The following TNFRSF13B variants were observed in gnomAD, a reference collection of about 807,000 sequenced individuals.
The protein encoded by TNFRSF13B is TNF receptor superfamily member 13B.
TNFRSF13B carries 34 observed loss-of-function variants against 24.0 expected under a neutral mutation model. The ratio of observed to expected loss-of-function variants is 1.41; its 90% CI spans 1.08 to 1.88. The LOEUF (loss-of-function observed/expected upper bound fraction) is 1.88, where lower values mean the gene tolerates loss of function less well. Among genes scored for constraint, TNFRSF13B ranks in the 40% most tolerant of loss-of-function variants. The pLI is 0.00. For synonymous variants in TNFRSF13B, 173 were observed against 150.3 expected, an observed-to-expected ratio of 1.15 and a Z score of -1.10; for missense variants, 415 against 380.8, an observed-to-expected ratio of 1.09 and a Z score of -0.75.
intron 1 of TNFRSF13B, among the ~76,000 whole-genome samples, chr17:16,970,865 C>G (rs567334431): frequency 1.0e-4 from 15 of 147,712 alleles, no homozygotes. Context: ...TGTGTAGATT[C>G]TGGGGACTTG....
chr17:16,948,831 G>C lies in TNFRSF13B; in HGVS notation c.352C>G (p.Leu118Val), dbSNP rs1347191709. ...LRSPVNLPPE[L>V]RRQRSGEVEN... ...ACTTCTCCACTCCGCTGTCTCCTGAGCTCTGGTGGAAGGTTCACTGGGCTC... is the reference window on the plus strand; with the variant it reads ...ACTTCTCCACTCCGCTGTCTCCTGACCTCTGGTGGAAGGTTCACTGGGCTC... Residue 118 changes from leucine to valine, a missense_variant, in exon 3 of 5, where the codon CTC (leucine) becomes GTC (valine). Leu to Val is a conservative substitution (Grantham distance 32). Transcript: ENST00000261652. 12 of 1,614,228 alleles carry C rather than the reference G, an allele frequency of 7.4e-6. 1 individual carries two copies. In the African/African-American group the frequency reaches 8.0e-5, roughly 11 times the overall value.
chr17:16,961,288 GT>G (rs1439150316), intron 1 of TNFRSF13B, among the ~76,000 whole-genome samples: 1 of 152,188 alleles, frequency 6.6e-6, no homozygotes, highest in Non-Finnish European at 1.5e-5. Context: ...ACAGATACTT[GT>G]GCCCCAACAT....
At chr17:16,956,411 G>C (rs2087625014) in intron 1 of TNFRSF13B, among the ~76,000 whole-genome samples, 1 of 148,990 alleles carries the variant, frequency 6.7e-6, no homozygotes, top group Non-Finnish European at 1.5e-5. Flanking sequence ...TACAGACTAT[G>C]ACAGAAACCA....
intron 1 of TNFRSF13B, among the ~76,000 whole-genome samples, chr17:16,952,878 C>G (rs543699213): frequency 3.9e-5 from 6 of 152,166 alleles, no homozygotes; most frequent in Admixed American, 1.3e-4. Flanking sequence ...CCCTCCTTAA[C>G]GTGCCACGCC....
rs369653501 is a variant in TNFRSF13B, at chr17:16,971,155, C to T, written c.61+860G>A. The stretch of plus-strand genomic sequence containing the variant: ...CTGAGGTCAGGAGTTTGAGATCAGC[C>T]TGGCCAACGTGGCGAAAGCCTATCT... On this transcript the variant is annotated intron_variant, in intron 1 of 4. Coordinates refer to ENST00000261652, the MANE Select transcript of TNFRSF13B (RefSeq NM_012452.3). 8.5e-5 allele frequency among the ~76,000 whole-genome samples: 13 copies of T among 152,232 alleles called. No individual in the cohort carries two copies. In the South Asian group the frequency reaches 2.7e-3, roughly 32 times the overall value.
intron 2 of TNFRSF13B, among the ~76,000 whole-genome samples, chr17:16,951,875 C>T (rs1022545016): frequency 2.7e-5 from 4 of 150,370 alleles, no homozygotes; most frequent in Non-Finnish European, 5.9e-5. Context: ...GCAACAAGAG[C>T]GAAACTTCAT....
rs1450182058 is a variant in TNFRSF13B, at chr17:16,939,589, G to A, written c.840C>T (p.Gly280=). 1.2e-6 allele frequency: 2 copies of A among 1,613,252 alleles called. No homozygotes were observed. The highest frequency in any genetic ancestry group is 2.2e-5 in the South Asian group (2 of 90,922). The part of the protein sequence containing the change: ...PCPHIPDSGL[G]IVCVPAQEGG... ...CCTCCTGGGCAGGCACACACACAAT[G>A]CCAAGGCCACTGTCTGGGATGTGTG... The change falls in exon 5 of 5, where the codon GGC becomes GGT. Residue 280 remains glycine, a synonymous_variant. Coordinates refer to ENST00000261652, the MANE Select transcript of TNFRSF13B (RefSeq NM_012452.3).
At chr17:16,955,581 A>G (rs914693854) in intron 1 of TNFRSF13B, among the ~76,000 whole-genome samples, 48 of 152,380 alleles carry the variant, frequency 3.2e-4, no homozygotes, top group African/African-American at 1.1e-3. Flanking sequence ...TTGGAAGGAC[A>G]TTGGCTCCAG....
chr17:16,944,993 A>G (rs2087537269), intron 3 of TNFRSF13B, among the ~76,000 whole-genome samples: 3 of 152,072 alleles, frequency 2.0e-5, no homozygotes, highest in Non-Finnish European at 4.4e-5. Flanking sequence ...CCTGTTTGCA[A>G]TCCACAGCAA....
chr17:16,940,695 C>T, intron 3 of TNFRSF13B, 184 bp from the exon 4 acceptor site: 1 of 1,458,970 alleles, frequency 6.9e-7, no homozygotes, highest in Non-Finnish European at 9.0e-7. Context: ...TTGATCCACT[C>T]CCCCATCCTG....
chr17:16,965,363 TGGG>T, intron 1 of TNFRSF13B, among the ~76,000 whole-genome samples: 1 of 152,202 alleles, frequency 6.6e-6, no homozygotes, highest in Non-Finnish European at 1.5e-5. Context: ...AACCCACTGC[TGGG>T]TGACATTTCT....
chr17:16,942,894 G>A (rs11078356), intron 3 of TNFRSF13B, among the ~76,000 whole-genome samples: 34,105 of 152,224 alleles, frequency 0.22, 4,091 homozygotes, highest in Admixed American at 0.29. Flanking sequence ...TCCTATCCAG[G>A]AGAGTGCCAT....
intron 1 of TNFRSF13B, among the ~76,000 whole-genome samples, chr17:16,964,856 G>A (rs937228117): frequency 6.6e-6 from 1 of 152,040 alleles, no homozygotes; most frequent in Non-Finnish European, 1.5e-5. Context: ...GCACGGCTGA[G>A]TCATCTTGGG....
intron 2 of TNFRSF13B, among the ~76,000 whole-genome samples, chr17:16,949,298 G>A (rs755584375): frequency 3.3e-5 from 5 of 152,140 alleles, no homozygotes; most frequent in Non-Finnish European, 5.9e-5. Flanking sequence ...CCAAACGTAT[G>A]AAGATTTTCA....
intron 3 of TNFRSF13B, among the ~76,000 whole-genome samples, chr17:16,947,505 A>G (rs12325872): frequency 0.048 from 7,237 of 152,296 alleles, 434 homozygotes; most frequent in African/African-American, 0.14. Flanking sequence ...TTCAAAAAGC[A>G]AACAACAAAT....
rs2087594654 is a variant in TNFRSF13B at position 16,952,372 on chromosome 17, G to A, written c.199+74C>T. 5 of 1,605,734 alleles carry A rather than the reference G, an allele frequency of 3.1e-6. No individual in the cohort carries two copies. In the East Asian group the frequency reaches 1.1e-4, roughly 36 times the overall value. The stretch of plus-strand genomic sequence containing the variant: ...CCCTTTCCTCAGCCACCTGACTGTG[G>A]GGCCAGAGGGTGCTCTAGGGAGAAA... On this transcript the variant is annotated intron_variant, in intron 2 of 4. Transcript: ENST00000261652.
intron 1 of TNFRSF13B, among the ~76,000 whole-genome samples, chr17:16,965,867 C>A (rs1441671969): frequency 1.3e-5 from 2 of 152,144 alleles, no homozygotes; most frequent in Non-Finnish European, 2.9e-5. Flanking sequence ...TTTTTTACAT[C>A]ATCAAAGTGT....
chr17:16,941,516 C>G (rs1240121940), intron 3 of TNFRSF13B: 1 of 987,514 alleles, frequency 1.0e-6, no homozygotes, highest in Non-Finnish European at 1.2e-6. Flanking sequence ...TAAGATGACA[C>G]GTCAAGAAGA....
chr17:16,968,520 T>C (rs2087721298), intron 1 of TNFRSF13B, among the ~76,000 whole-genome samples: 1 of 152,194 alleles, frequency 6.6e-6, no homozygotes. Flanking sequence ...TACAAAAGAA[T>C]GAATTTGGAC....
Sources: gnomAD v4.1 joint callset for allele counts (sites outside exome capture counted in the v4.1 genomes callset) on GRCh38, gnomAD v4.1.1 for gene constraint, MANE v1.5 for transcripts, NCBI Gene and HGNC (gene_info 2026-07-23, HGNC 2026-07-21) for gene names.